KRT37: variants seen among roughly 807,000 people sequenced by gnomAD.
The protein encoded by KRT37 is keratin 37, also known as keratin, type I cuticular Ha7.
Under a neutral mutation model 41.9 loss-of-function variants are expected in KRT37, and 38 were observed. The ratio of observed to expected loss-of-function variants is 0.91; its 90% CI spans 0.70 to 1.19. The LOEUF (loss-of-function observed/expected upper bound fraction) is 1.19, where lower values mean the gene tolerates loss of function less well. Ranked by LOEUF, KRT37 falls within the 50% of genes most tolerant of loss-of-function variation. The pLI, the probability that KRT37 is intolerant of heterozygous loss-of-function variation, is 0.00. For missense variants in KRT37, 580 were observed against 575.5 expected, an observed-to-expected ratio of 1.01 and a Z score of -0.08; for synonymous variants, 252 against 243.4, an observed-to-expected ratio of 1.04 and a Z score of -0.33.
chr17:41,422,658 A>G, intron 3 of KRT37, 120 bp downstream of exon 3: 3 of 1,283,332 alleles, frequency 2.3e-6, no homozygotes, highest in South Asian at 1.5e-5. Context: ...CCTCAGACCC[A>G]CCTCAGCCCT....
At chr17:41,422,676 T>G (rs374551395) in intron 3 of KRT37, 102 bp downstream of exon 3, 45,444 of 1,170,376 alleles carry the variant, frequency 0.039, 4,924 homozygotes, top group East Asian at 0.19. Context: ...CCTGCATCCT[T>G]AGGCCAGCTG....
At position 41,421,525 on chromosome 17, in the gene KRT37, C is replaced by T; in HGVS notation, c.1083G>A (p.Gln361=). ...AEDRYGTELA[Q]MQSLISNLEE... is the part of the protein sequence containing the mutation. ...CCAAGTTGCTAATGAGGCTCTGCAT[C>T]TGGGCCAGCTCTGTGCCGTAGCGGT... The change falls in exon 6 of 7, where the codon CAG becomes CAA. Residue 361 remains glutamine (Q), a synonymous_variant. Coordinates refer to ENST00000225550, the MANE Select transcript of KRT37 (RefSeq NM_003770.5). 6 of 1,614,244 alleles carry T rather than the reference C, an allele frequency of 3.7e-6. No individual in the cohort carries two copies. The highest frequency in any genetic ancestry group is 5.1e-6 in the Non-Finnish European group (6 of 1,180,050).
Position 41,422,338 on chromosome 17 carries a change from G to C in KRT37, c.829C>G (p.Arg277Gly), listed in dbSNP as rs779245901. The part of the protein sequence containing the change: ...IDLNRVLGEM[R>G]AQYEAMVETN... Reference sequence around the variant, plus strand: ...TCCACCATGGCCTCGTACTGAGCCCGCATCTCCCCCAACACCCTGTTCAGG... The same window carrying C: ...TCCACCATGGCCTCGTACTGAGCCCCCATCTCCCCCAACACCCTGTTCAGG... Residue 277 changes from arginine to glycine, a missense_variant, in exon 4 of 7, where the codon CGG (arginine) becomes GGG (glycine). Coordinates refer to ENST00000225550, the MANE Select transcript of KRT37 (RefSeq NM_003770.5). 6.2e-7 allele frequency: 1 copy of C among 1,614,134 alleles called. No individual in the cohort carries two copies. The highest frequency in any genetic ancestry group is 8.5e-7 in the Non-Finnish European group (1 of 1,180,018).
At position 41,421,417 on chromosome 17, in the gene KRT37, C is replaced by T. The variant is rs2018537367; in HGVS notation, c.1191G>A (p.Leu397=). The change falls in exon 6 of 7, where the codon TTG becomes TTA. Residue 397 remains leucine, a synonymous_variant. Transcript: ENST00000225550. ...YQVLLDVKAR[L]ENEIATYRNL... ...TCCGGTATGTGGCAATCTCGTTCTCCAACCGGGCCTTCACGTCCAGCAGCA... is the reference window on the plus strand; with the variant it reads ...TCCGGTATGTGGCAATCTCGTTCTCTAACCGGGCCTTCACGTCCAGCAGCA... 1 of 1,614,208 alleles carries T rather than the reference C, an allele frequency of 6.2e-7. No individual in the cohort carries two copies. Among genetic ancestry groups the T allele is most frequent in the East Asian group, 2.2e-5 (1 of 44,890 alleles).
intron 3 of KRT37, 142 bp downstream of exon 3, chr17:41,422,636 G>T: frequency 1.6e-6 from 2 of 1,233,838 alleles, no homozygotes; most frequent in Non-Finnish European, 2.2e-6. Flanking sequence ...TTTCCACAGA[G>T]GCCCTCTGGA....
chr17:41,421,964 T>A (rs775241663), intron 5 of KRT37, 105 bp downstream of exon 5: 20 of 1,579,456 alleles, frequency 1.3e-5, no homozygotes, highest in Admixed American at 6.9e-5. Flanking sequence ...GGACCCCAGA[T>A]CTTGACTTAA....
Position 41,422,813 on chromosome 17 carries a change from C to T in KRT37, c.697G>A (p.Glu233Lys). 1 of 1,613,610 alleles carries T rather than the reference C, an allele frequency of 6.2e-7. No homozygotes were observed. The highest frequency in any genetic ancestry group is 8.5e-7 in the Non-Finnish European group (1 of 1,179,770). Reference sequence around the variant, plus strand: ...TTGCTCTTGAGGGAGAGCTGCTCCTCCTTCAGGGACTCCTGCTGGGCCTCC... The same window carrying T: ...TTGCTCTTGAGGGAGAGCTGCTCCTTCTTCAGGGACTCCTGCTGGGCCTCC... Reference protein sequence around the residue: ...DLEAQQESLKEEQLSLKSNHE... With the variant: ...DLEAQQESLKKEQLSLKSNHE... The change falls in exon 3 of 7, where the codon GAG becomes AAG. Residue 233 changes from glutamate (E) to lysine (K), a missense_variant. Coordinates refer to ENST00000225550, the MANE Select transcript of KRT37 (RefSeq NM_003770.5).
intron 2 of KRT37, 69 bp downstream of exon 2, chr17:41,423,693 A>C: frequency 7.0e-7 from 1 of 1,419,408 alleles, no homozygotes; most frequent in Admixed American, 1.7e-5. Flanking sequence ...ATATAGACTG[A>C]GTAATGGGGC....
Position 41,422,834 on chromosome 17 carries a change from C to A in KRT37, c.676G>T (p.Ala226Ser). 6.2e-7 allele frequency: 1 copy of A among 1,614,044 alleles called. No homozygotes were observed. The highest frequency in any genetic ancestry group is 8.5e-7 in the Non-Finnish European group (1 of 1,179,996). The change falls in exon 3 of 7, where the codon GCC becomes TCC. Residue 226 changes from alanine (A) to serine (S), a missense_variant. Coordinates refer to ENST00000225550, the MANE Select transcript of KRT37 (RefSeq NM_003770.5). ...TCCTCCTTCAGGGACTCCTGCTGGG[C>A]CTCCAGGTCGGCCTTGGCCAGGGTC... ...DATLAKADLEAQQESLKEEQL... is the reference protein window; with the variant it reads ...DATLAKADLESQQESLKEEQL...
chr17:41,423,869 A>G (rs747028026), intron 1 of KRT37, 25 bp from the exon 2 acceptor site: 2 of 1,613,444 alleles, frequency 1.2e-6, no homozygotes, highest in South Asian at 1.1e-5. Flanking sequence ...AAGACGGTTC[A>G]CACACAAAGC....
At position 41,421,002 on chromosome 17, in the gene KRT37, G is replaced by A; in HGVS notation, c.1242-16C>T. Reference sequence around the variant, plus strand: ...GCAGGGGAGTCTGCAGGGAGAGAAAGAAGAGTTACATTAAAAAGATGTCTC... The same window carrying A: ...GCAGGGGAGTCTGCAGGGAGAGAAAAAAGAGTTACATTAAAAAGATGTCTC... On this transcript the variant is annotated splice_polypyrimidine_tract_variant and intron_variant, in intron 6 of 6. Coordinates refer to ENST00000225550, the MANE Select transcript of KRT37 (RefSeq NM_003770.5). 5 of 1,582,064 alleles carry A rather than the reference G, an allele frequency of 3.2e-6. No individual in the cohort carries two copies. Among genetic ancestry groups the A allele is most frequent in the Non-Finnish European group, 3.5e-6 (4 of 1,151,392 alleles).
At position 41,421,422 on chromosome 17, in the gene KRT37, G is replaced by A. The variant is rs375440985; in HGVS notation, c.1186C>T (p.Arg396Trp). The change falls in exon 6 of 7, where the codon CGG (arginine) becomes TGG (tryptophan). Residue 396 changes from arginine (R) to tryptophan (W), a missense_variant. By Grantham distance (101) the Arg-to-Trp change is moderately radical. Coordinates refer to ENST00000225550, the MANE Select transcript of KRT37 (RefSeq NM_003770.5). ...EYQVLLDVKA[R>W]LENEIATYRN... ...TATGTGGCAATCTCGTTCTCCAACC[G>A]GGCCTTCACGTCCAGCAGCACCTGG... is the stretch of plus-strand genomic sequence containing the variant. 1.2e-4 allele frequency: 195 copies of A among 1,614,018 alleles called. 1 individual carries two copies. Among genetic ancestry groups the A allele is most frequent in the Non-Finnish European group, 1.5e-4 (175 of 1,180,028 alleles).
chr17:41,423,323 G>T, intron 2 of KRT37: 1 of 249,438 alleles, frequency 4.0e-6, no homozygotes. Context: ...ATTATTTCTC[G>T]TTGTTTTCTT....
chr17:41,423,283 C>A (rs943316703), intron 2 of KRT37: 28 of 286,054 alleles, frequency 9.8e-5, no homozygotes, highest in Admixed American at 8.2e-4. Flanking sequence ...GCCTCTGGAC[C>A]TTCAGTTTGC....
chr17:41,422,023 C>T (rs1283967358), intron 5 of KRT37, 46 bp downstream of exon 5: 3 of 1,613,434 alleles, frequency 1.9e-6, no homozygotes, highest in Non-Finnish European at 2.5e-6. Flanking sequence ...ACTACCAGGA[C>T]ATGGCATGGG....
intron 6 of KRT37, 43 bp from the exon 7 acceptor site, chr17:41,421,029 G>A: frequency 1.4e-6 from 2 of 1,466,370 alleles, no homozygotes; most frequent in South Asian, 1.2e-5. Context: ...AGATGTCTCA[G>A]TGATTGATGG....
chr17:41,422,168 C>T lies in KRT37; in HGVS notation c.921G>A (p.Met307Ile). The part of the protein sequence containing the change: ...AQSEGISLQA[M>I]SCSEELQCCQ... ...AGCACTGCAGCTCCTCGGAGCAGGA[C>T]ATGGCCTGCAGGCTGATGCCTTCAG... The change falls in exon 5 of 7, where the codon ATG becomes ATA. Residue 307 changes from methionine to isoleucine, a missense_variant. Transcript: ENST00000225550. 1 of 1,614,172 alleles carries T rather than the reference C, an allele frequency of 6.2e-7. No homozygotes were observed. The highest frequency in any genetic ancestry group is 2.2e-5 in the East Asian group (1 of 44,876).
chr17:41,423,747 C>T lies in KRT37; in HGVS notation c.575+15G>A, dbSNP rs1264261933. 6.2e-7 allele frequency: 1 copy of T among 1,612,430 alleles called. No homozygotes were observed. Among genetic ancestry groups the T allele is most frequent in the South Asian group, 1.1e-5 (1 of 91,040 alleles). The stretch of plus-strand genomic sequence containing the variant: ...CAGGAGAGAAGTCACACTGACCCTC[C>T]TCATCCTGACTTACTTGATCCTAAA... On this transcript the variant is annotated intron_variant, in intron 2 of 6. Coordinates refer to ENST00000225550, the MANE Select transcript of KRT37 (RefSeq NM_003770.5).
chr17:41,422,855 G>A lies in KRT37; in HGVS notation c.655C>T (p.Leu219=), dbSNP rs1453407622. Residue 219 remains leucine (L), a synonymous_variant, in exon 3 of 7, where the codon CTG becomes TTG. Transcript: ENST00000225550. ...GTQKLLDDAT[L]AKADLEAQQE... ...TGGGCCTCCAGGTCGGCCTTGGCCA[G>A]GGTCGCGTCATCCAGGAGCTTCTGC... 6.2e-7 allele frequency: 1 copy of A among 1,614,100 alleles called. No homozygotes were observed.
Sources: allele counts gnomAD v4.1 joint callset, GRCh38; gene constraint gnomAD v4.1.1; transcripts MANE v1.5; gene names NCBI Gene and HGNC (gene_info 2026-07-23, HGNC 2026-07-21).